The following TAFA4 variants were observed in gnomAD, a reference collection of about 807,000 sequenced individuals.
TAFA4 encodes chemokine-like protein TAFA-4.
In TAFA4, 20 loss-of-function variants were observed where a neutral mutation model predicts 21.1. The ratio of observed to expected loss-of-function variants is 0.95; its 90% CI spans 0.67 to 1.38. TAFA4 has a LOEUF of 1.38. Among genes scored for constraint, TAFA4 ranks in the 40% most tolerant of loss-of-function variants. TAFA4 has a pLI of 0.00. For missense variants in TAFA4, 211 were observed against 180.9 expected (o/e 1.17, Z -0.95); for synonymous variants, 71 against 67.4 (o/e 1.05, Z -0.26).
intron 1 of TAFA4, among the ~76,000 whole-genome samples, chr3:68,922,733 C>T (rs1387878561): frequency 1.3e-5 from 2 of 152,140 alleles, no homozygotes; most frequent in Non-Finnish European, 2.9e-5. Context: ...CCTGCCATTC[C>T]TTTTTCTCAG....
At chr3:68,744,367 T>TTAGACTTGGGTCTCTCAGCAGCAGA (rs1702413339) in intron 4 of TAFA4, among the ~76,000 whole-genome samples, 1 of 152,108 alleles carries the variant, frequency 6.6e-6, no homozygotes, top group Admixed American at 6.5e-5. Context: ...AAATTCAAGA[T>TTAGACTTGGGTCTCTCAGCAGCAGA]TAGACTTGGG....
intron 3 of TAFA4, among the ~76,000 whole-genome samples, chr3:68,812,339 G>A (rs184886443): frequency 5.3e-5 from 8 of 152,284 alleles, no homozygotes; most frequent in Admixed American, 3.9e-4. Flanking sequence ...AACCTTAAAT[G>A]TAAGTGGGCT....
chr3:68,766,148 GAGA>G (rs1320852605), intron 3 of TAFA4, among the ~76,000 whole-genome samples: 3 of 151,918 alleles, frequency 2.0e-5, no homozygotes, highest in Non-Finnish European at 4.4e-5. Flanking sequence ...AGGAGAGAAA[GAGA>G]AGGAGAAAGA....
At chr3:68,896,223 T>C (rs1461705816) in intron 1 of TAFA4, among the ~76,000 whole-genome samples, 1 of 152,180 alleles carries the variant, frequency 6.6e-6, no homozygotes, top group Non-Finnish European at 1.5e-5. Flanking sequence ...GTTAGAATTT[T>C]ATTCCAAATG....
chr3:68,921,280 A>G (rs1191343749), intron 1 of TAFA4, among the ~76,000 whole-genome samples: 2 of 152,040 alleles, frequency 1.3e-5, no homozygotes, highest in African/African-American at 4.8e-5. Flanking sequence ...GTGGTTGCCA[A>G]TTCTAACCTT....
intron 3 of TAFA4, among the ~76,000 whole-genome samples, chr3:68,826,028 T>C (rs1704220075): frequency 6.6e-6 from 1 of 152,132 alleles, no homozygotes; most frequent in East Asian, 1.9e-4. Context: ...TGCAGAGCTC[T>C]AGATAATGAA....
chr3:68,848,394 T>C (rs1015514144), intron 3 of TAFA4, among the ~76,000 whole-genome samples: 10 of 152,224 alleles, frequency 6.6e-5, no homozygotes, highest in Non-Finnish European at 1.3e-4. Flanking sequence ...AAAATGATGG[T>C]CTTGCTTTCA....
chr3:68,854,181 A>T (rs1056254819), intron 3 of TAFA4, among the ~76,000 whole-genome samples: 4 of 152,042 alleles, frequency 2.6e-5, no homozygotes, highest in African/African-American at 7.2e-5. Flanking sequence ...TTCTCAATGC[A>T]ATGGAGGAAT....
chr3:68,880,665 G>T, intron 3 of TAFA4, 65 bp downstream of exon 3: 1 of 1,335,588 alleles, frequency 7.5e-7, no homozygotes, highest in Non-Finnish European at 1.1e-6. Context: ...TGTCTAAAAT[G>T]TGGACTCTGA....
intron 3 of TAFA4, among the ~76,000 whole-genome samples, chr3:68,843,274 T>A (rs912368643): frequency 6.6e-6 from 1 of 152,212 alleles, no homozygotes; most frequent in Non-Finnish European, 1.5e-5. Context: ...TCCTAGGTAT[T>A]TTATTCCCTT....
chr3:68,772,962 A>G (rs544201310), intron 3 of TAFA4, among the ~76,000 whole-genome samples: 1 of 152,328 alleles, frequency 6.6e-6, no homozygotes, highest in African/African-American at 2.4e-5. Flanking sequence ...TCCTTCTCCA[A>G]ATGACTTTTT....
chr3:68,738,259 G>C (rs933458922), intron 5 of TAFA4, among the ~76,000 whole-genome samples: 9 of 152,174 alleles, frequency 5.9e-5, no homozygotes, highest in African/African-American at 1.9e-4. Context: ...AGGATGTTTA[G>C]AGCAGCAAGA....
At chr3:68,809,690 T>A (rs1703790487) in intron 3 of TAFA4, among the ~76,000 whole-genome samples, 1 of 151,426 alleles carries the variant, frequency 6.6e-6, no homozygotes, top group South Asian at 2.1e-4. Flanking sequence ...TTTTATGGTT[T>A]CATAGTCTTA....
intron 3 of TAFA4, among the ~76,000 whole-genome samples, chr3:68,862,962 A>G (rs2106925596): frequency 6.6e-6 from 1 of 151,904 alleles, no homozygotes; most frequent in South Asian, 2.1e-4. Context: ...AGCCAGGCGC[A>G]GTGGCTCATG....
chr3:68,747,344 T>C (rs534744357), intron 4 of TAFA4, among the ~76,000 whole-genome samples: 1 of 152,268 alleles, frequency 6.6e-6, no homozygotes, highest in East Asian at 1.9e-4. Context: ...CCATGTTTCA[T>C]GGGAGGACCT....
chr3:68,776,672 T>A (rs1226452539), intron 3 of TAFA4, among the ~76,000 whole-genome samples: 1 of 152,206 alleles, frequency 6.6e-6, no homozygotes, highest in Non-Finnish European at 1.5e-5. Flanking sequence ...TTACTATTTA[T>A]GGAAGAGTAC....
intron 3 of TAFA4, among the ~76,000 whole-genome samples, chr3:68,873,337 T>TACACATACACACACACACACACAC: frequency 7.5e-6 from 1 of 133,514 alleles, no homozygotes; most frequent in East Asian, 2.8e-4. Context: ...CACGCAGACA[T>TACACATACACACACACACACACAC]ACACACACAC....
At chr3:68,816,167 G>A (rs1284465407) in intron 3 of TAFA4, among the ~76,000 whole-genome samples, 4 of 152,074 alleles carry the variant, frequency 2.6e-5, no homozygotes, top group African/African-American at 9.7e-5. Context: ...GCCTGTTGTG[G>A]AGTGGGGGGA....
At chr3:68,904,520 A>C (rs1009311570) in intron 1 of TAFA4, among the ~76,000 whole-genome samples, 8 of 152,364 alleles carry the variant, frequency 5.3e-5, no homozygotes, top group African/African-American at 1.9e-4. Context: ...TTTATATTGC[A>C]AGTGTCTACG....
Sources: allele counts gnomAD v4.1 joint callset (sites outside exome capture counted in the v4.1 genomes callset), GRCh38; gene constraint gnomAD v4.1.1; transcripts MANE v1.5; gene names NCBI Gene and HGNC (gene_info 2026-07-23, HGNC 2026-07-21).